NRXN3: variants seen among roughly 807,000 people sequenced by gnomAD.
NRXN3 encodes neurexin 3, also known as neurexin III.
In NRXN3, 32 loss-of-function variants were observed where a neutral mutation model predicts 137.6. That is an observed-to-expected ratio of 0.23 (90% CI 0.18 to 0.31). The LOEUF is 0.31. Among genes scored for constraint, NRXN3 ranks in the 10% least tolerant of loss-of-function variants. The pLI, the probability that NRXN3 is intolerant of heterozygous loss-of-function variation, is 1.00. For missense variants in NRXN3, 1,574 were observed against 2,062.5 expected (o/e 0.76, Z 4.59); for synonymous variants, 798 against 784.5 (o/e 1.02, Z -0.29).
chr14:78,446,079 C>T (rs551154128), intron 4 of NRXN3, among the ~76,000 whole-genome samples: 2 of 152,298 alleles, frequency 1.3e-5, no homozygotes, highest in East Asian at 1.9e-4. Context: ...ACAGTGCGTG[C>T]ACCTGACCTT....
intron 11 of NRXN3, 151 bp downstream of exon 11, chr14:78,957,512 G>T: frequency 1.2e-6 from 1 of 853,768 alleles, no homozygotes; most frequent in African/African-American, 1.7e-5. Context: ...AGGCTAAGAA[G>T]GTCTTCCTCT....
In NRXN3 at chr14:79,618,263, C is replaced by T. The variant is rs1043574636; in HGVS notation, c.3445-45515C>T. ...CTTGTTACATGGATAGATTGTGTGC[C>T]ACTGAAATTTGGTGTAAGAATGATC... On this transcript the variant is annotated intron_variant, in intron 16 of 20. Transcript: ENST00000335750. Among the ~76,000 whole-genome samples, 4 of 151,962 alleles carry T rather than the reference C, an allele frequency of 2.6e-5. No individual in the cohort carries two copies. In the South Asian group the frequency reaches 8.3e-4, roughly 32 times the overall value.
chr14:79,664,694 A>G (rs911497823), intron 17 of NRXN3, among the ~76,000 whole-genome samples: 1 of 152,176 alleles, frequency 6.6e-6, no homozygotes, highest in African/African-American at 2.4e-5. Context: ...CATTCAAATA[A>G]TCCCTCAGCT....
chr14:78,932,649 C>G (rs969805137), intron 10 of NRXN3, among the ~76,000 whole-genome samples: 1 of 152,116 alleles, frequency 6.6e-6, no homozygotes, highest in African/African-American at 2.4e-5. Context: ...TGAAATGTAG[C>G]AGAGCTATGG....
chr14:79,383,492 G>T (rs1217341781), intron 15 of NRXN3, among the ~76,000 whole-genome samples: 1 of 152,072 alleles, frequency 6.6e-6, no homozygotes, highest in Non-Finnish European at 1.5e-5. Flanking sequence ...AAACAAAATT[G>T]GCAACTATTT....
chr14:79,623,044 CTAGGTGGTACT>C (rs2098242054), intron 16 of NRXN3, among the ~76,000 whole-genome samples: 1 of 152,108 alleles, frequency 6.6e-6, no homozygotes, highest in Non-Finnish European at 1.5e-5. Context: ...TATTAGAAAT[CTAGGTGGTACT>C]TAGGAATCTA....
intron 4 of NRXN3, among the ~76,000 whole-genome samples, chr14:78,521,240 A>T (rs1446113701): frequency 6.6e-6 from 1 of 152,158 alleles, no homozygotes; most frequent in Admixed American, 6.6e-5. Flanking sequence ...AGTCCTGTAT[A>T]TATTAAAAGC....
chr14:79,077,730 ATATAAC>A (rs2046222592), intron 15 of NRXN3, among the ~76,000 whole-genome samples: 1 of 152,202 alleles, frequency 6.6e-6, no homozygotes, highest in Non-Finnish European at 1.5e-5. Flanking sequence ...GAGACATTTT[ATATAAC>A]TATAATATAT....
chr14:78,688,909 C>T (rs898123711), intron 6 of NRXN3, among the ~76,000 whole-genome samples: 1 of 151,936 alleles, frequency 6.6e-6, no homozygotes, highest in Non-Finnish European at 1.5e-5. Context: ...CAGATTATGT[C>T]CTAGAAATCA....
chr14:78,347,492 T>C (rs1208243262), intron 4 of NRXN3, among the ~76,000 whole-genome samples: 2 of 152,186 alleles, frequency 1.3e-5, no homozygotes, highest in African/African-American at 4.8e-5. Flanking sequence ...GTATACTTTC[T>C]AAGCTGTTGC....
At chr14:79,144,727 A>G (rs1306812131) in intron 15 of NRXN3, among the ~76,000 whole-genome samples, 1 of 152,098 alleles carries the variant, frequency 6.6e-6, no homozygotes, top group Non-Finnish European at 1.5e-5. Context: ...CTTCACGTTT[A>G]TCCTGAACTA....
chr14:78,309,992 C>A (rs1263160192), intron 4 of NRXN3, among the ~76,000 whole-genome samples: 1 of 152,062 alleles, frequency 6.6e-6, no homozygotes, highest in African/African-American at 2.4e-5. Flanking sequence ...GTTAAAACAA[C>A]TGCAATTTTA....
intron 6 of NRXN3, among the ~76,000 whole-genome samples, chr14:78,660,996 C>T (rs1343868132): frequency 6.6e-6 from 1 of 152,156 alleles, no homozygotes; most frequent in Admixed American, 6.6e-5. Context: ...AATGCTATCC[C>T]AGGATACAGA....
rs185865971 is a variant in NRXN3 at position 79,724,267 on chromosome 14, G to T, written c.4014+26330G>T. On this transcript the variant is annotated intron_variant, in intron 19 of 20. Coordinates refer to ENST00000335750, the MANE Select transcript of NRXN3 (RefSeq NM_001330195.2). Reference sequence around the variant, plus strand: ...CAAAAAGATGTCCCTGATGCAATGAGAATGAGCTGGAGTCCTGACTGTGCT... The same window carrying T: ...CAAAAAGATGTCCCTGATGCAATGATAATGAGCTGGAGTCCTGACTGTGCT... Among the ~76,000 whole-genome samples, 301 of 152,228 alleles carry T rather than the reference G, an allele frequency of 2.0e-3. 1 individual carries two copies. The highest frequency in any genetic ancestry group is 3.2e-3 in the Non-Finnish European group (220 of 68,008).
chr14:78,688,585 G>A (rs1602460846), intron 6 of NRXN3, among the ~76,000 whole-genome samples: 1 of 152,248 alleles, frequency 6.6e-6, no homozygotes, highest in South Asian at 2.1e-4. Flanking sequence ...AATCATAGCA[G>A]TAAAGTGGGG....
At chr14:79,433,413 T>C (rs775596607) in intron 15 of NRXN3, among the ~76,000 whole-genome samples, 1 of 152,154 alleles carries the variant, frequency 6.6e-6, no homozygotes. Context: ...GAGAATTCAA[T>C]GCCGAAAGGT....
chr14:78,248,295 G>GCC (rs1215142567), intron 2 of NRXN3, among the ~76,000 whole-genome samples: 18 of 14,404 alleles, frequency 1.2e-3, no homozygotes, highest in Non-Finnish European at 1.6e-3. Flanking sequence ...ACTAGCCACC[G>GCC]CCCCCCGCCC....
chr14:78,314,037 A>G (rs76632750), intron 4 of NRXN3, among the ~76,000 whole-genome samples: 5,062 of 152,278 alleles, frequency 0.033, 112 homozygotes, highest in Non-Finnish European at 0.049. Context: ...AAACCCCTAT[A>G]TAATGAATTC....
intron 8 of NRXN3, among the ~76,000 whole-genome samples, chr14:78,737,155 T>C (rs1247568381): frequency 3.9e-5 from 6 of 152,184 alleles, no homozygotes; most frequent in Non-Finnish European, 7.3e-5. Flanking sequence ...CTACCTACCG[T>C]TCTTCCTACT....
Sources: allele counts gnomAD v4.1 joint callset (sites outside exome capture counted in the v4.1 genomes callset), GRCh38; gene constraint gnomAD v4.1.1; transcripts MANE v1.5; gene names NCBI Gene and HGNC (gene_info 2026-07-23, HGNC 2026-07-21).